NLGN1: variants seen among roughly 807,000 people sequenced by gnomAD.
NLGN1 encodes neuroligin-1.
In NLGN1, 12 loss-of-function variants were observed where a neutral mutation model predicts 65.5. That is an observed-to-expected ratio of 0.18 (90% CI 0.12 to 0.30). NLGN1 has a LOEUF of 0.30. Among genes scored for constraint, NLGN1 ranks in the 10% least tolerant of loss-of-function variants. The pLI is 1.00. For synonymous variants in NLGN1, 350 were observed against 359.5 expected (o/e 0.97, Z 0.30); for missense variants, 750 against 1,007.1 (o/e 0.74, Z 3.46).
At chr3:174,046,593 C>T (rs1260961550) in intron 4 of NLGN1, among the ~76,000 whole-genome samples, 3 of 151,996 alleles carry the variant, frequency 2.0e-5, no homozygotes, top group African/African-American at 7.2e-5. Context: ...CTTTACTGTG[C>T]TTAGAAGGAA....
intron 3 of NLGN1, among the ~76,000 whole-genome samples, chr3:173,646,495 T>G (rs1758297709): frequency 6.6e-6 from 1 of 152,336 alleles, no homozygotes. Context: ...GAAGAAAAGA[T>G]TTGAAGTGTT....
chr3:173,621,606 A>C (rs970640934), intron 3 of NLGN1, among the ~76,000 whole-genome samples: 4 of 152,076 alleles, frequency 2.6e-5, no homozygotes, highest in African/African-American at 7.2e-5. Context: ...AAAGGAGACT[A>C]GATATGGGGT....
At chr3:174,020,396 G>A (rs1727519138) in intron 4 of NLGN1, among the ~76,000 whole-genome samples, 1 of 151,890 alleles carries the variant, frequency 6.6e-6, no homozygotes, top group Admixed American at 6.6e-5. Flanking sequence ...TGGAAAATTT[G>A]TATCAGCTTT....
intron 2 of NLGN1, among the ~76,000 whole-genome samples, chr3:173,521,810 A>G (rs1475357716): frequency 6.6e-6 from 1 of 152,272 alleles, no homozygotes; most frequent in Non-Finnish European, 1.5e-5. Context: ...CATTAAGAAC[A>G]GTCACAGAGC....
intron 2 of NLGN1, among the ~76,000 whole-genome samples, chr3:173,459,686 TAAAAC>T (rs1472420191): frequency 6.6e-6 from 1 of 152,116 alleles, no homozygotes; most frequent in African/African-American, 2.4e-5. Context: ...AGATGCAAAA[TAAAAC>T]TATTGCCATC....
chr3:173,915,219 G>T (rs987417291), intron 4 of NLGN1, among the ~76,000 whole-genome samples: 2 of 152,222 alleles, frequency 1.3e-5, no homozygotes, highest in Admixed American at 1.3e-4. Context: ...GTCTCAAGGG[G>T]TATTTTGTAA....
At chr3:173,896,236 CTG>C (rs58317959) in intron 4 of NLGN1, among the ~76,000 whole-genome samples, 5,296 of 152,158 alleles carry the variant, frequency 0.035, 163 homozygotes, top group African/African-American at 0.084. Flanking sequence ...GCTTCTTAAT[CTG>C]TTTCCAGTTT....
intron 2 of NLGN1, among the ~76,000 whole-genome samples, chr3:173,468,500 C>T (rs941390486): frequency 6.6e-6 from 1 of 152,038 alleles, no homozygotes; most frequent in African/African-American, 2.4e-5. Flanking sequence ...GGAACTGAGG[C>T]CATCAAATAC....
intron 4 of NLGN1, among the ~76,000 whole-genome samples, chr3:174,196,723 A>G (rs1733493356): frequency 2.0e-5 from 3 of 152,240 alleles, no homozygotes; most frequent in Admixed American, 2.0e-4. Flanking sequence ...TATTTGAAAA[A>G]TAAATCAGTT....
chr3:174,091,289 ATATT>A (rs1477328309), intron 4 of NLGN1, among the ~76,000 whole-genome samples: 1 of 152,214 alleles, frequency 6.6e-6, no homozygotes, highest in African/African-American at 2.4e-5. Flanking sequence ...GGCGGTTTCT[ATATT>A]TATTCAAAAA....
At chr3:173,737,126 G>T (rs1773897645) in intron 3 of NLGN1, among the ~76,000 whole-genome samples, 1 of 151,808 alleles carries the variant, frequency 6.6e-6, no homozygotes, top group Non-Finnish European at 1.5e-5. Flanking sequence ...TGTAATTTAG[G>T]TCTTAACTAC....
chr3:173,689,639 C>T (rs756783479), intron 3 of NLGN1, among the ~76,000 whole-genome samples: 5 of 152,234 alleles, frequency 3.3e-5, no homozygotes, highest in Middle Eastern at 3.4e-3. Flanking sequence ...GCAAGGCTCC[C>T]ATGCGCTGCA....
intron 3 of NLGN1, among the ~76,000 whole-genome samples, chr3:173,742,218 A>G (rs6766917): frequency 0.68 from 103,818 of 151,922 alleles, 35,785 homozygotes; most frequent in East Asian, 0.85. Flanking sequence ...TTATTTTGAA[A>G]CTAAAACTCA....
chr3:173,634,593 G>A lies in NLGN1; in HGVS notation c.493+29502G>A, dbSNP rs140128816. ...TTTGACTAATTTGTAATATATATGT[G>A]GTAGGAGGAAAGTGTCATGATTCAT... On this transcript the variant is annotated intron_variant, in intron 3 of 6. Coordinates refer to ENST00000457714, the Ensembl canonical transcript of NLGN1. Among the ~76,000 whole-genome samples, 53 of 152,076 alleles carry A rather than the reference G, an allele frequency of 3.5e-4. No individual in the cohort carries two copies. The East Asian group carries it at 9.1e-3, about 26-fold the overall frequency.
At position 173,604,857 on chromosome 3, in the gene NLGN1, G is replaced by T. The variant is rs1751121113; in HGVS notation, c.259G>T (p.Ala87Ser). 1.9e-6 allele frequency: 3 copies of T among 1,613,602 alleles called. No homozygotes were observed. The highest frequency in any genetic ancestry group is 2.5e-6 in the Non-Finnish European group (3 of 1,179,770). The change falls in exon 3 of 7, where the codon GCC becomes TCC. Residue 87 changes from alanine (A) to serine (S), a missense_variant. Coordinates refer to ENST00000457714, the Ensembl canonical transcript of NLGN1. ...TCAATTTCTTGGGGTTCCATATGCAGCCCCACCAACAGGGGAACGTCGTTT... is the reference window on the plus strand; with the variant it reads ...TCAATTTCTTGGGGTTCCATATGCATCCCCACCAACAGGGGAACGTCGTTT...
intron 3 of NLGN1, among the ~76,000 whole-genome samples, chr3:173,771,457 T>C (rs1779557541): frequency 6.6e-6 from 1 of 152,298 alleles, no homozygotes; most frequent in Admixed American, 6.5e-5. Context: ...AAGAAAAATT[T>C]AGAGGAAGTA....
intron 4 of NLGN1, among the ~76,000 whole-genome samples, chr3:173,983,607 A>G (rs1045429947): frequency 2.0e-5 from 3 of 152,132 alleles, no homozygotes; most frequent in Non-Finnish European, 4.4e-5. Context: ...CTTATGCTCC[A>G]GCCTCTTGTA....
intron 4 of NLGN1, among the ~76,000 whole-genome samples, chr3:173,877,207 G>T (rs1459050971): frequency 6.6e-6 from 1 of 152,114 alleles, no homozygotes; most frequent in African/African-American, 2.4e-5. Flanking sequence ...CATAATATCT[G>T]TGGATATCAT....
intron 2 of NLGN1, among the ~76,000 whole-genome samples, chr3:173,572,555 G>A (rs1744819016): frequency 6.6e-6 from 1 of 152,144 alleles, no homozygotes; most frequent in Non-Finnish European, 1.5e-5. Flanking sequence ...AATCCTCTGT[G>A]ATCTATTTCC....
Sources: allele counts gnomAD v4.1 joint callset (sites outside exome capture counted in the v4.1 genomes callset), GRCh38; gene constraint gnomAD v4.1.1; transcripts MANE v1.5; gene names NCBI Gene and HGNC (gene_info 2026-07-23, HGNC 2026-07-21).